The following DST variants were observed in gnomAD, a reference collection of about 807,000 sequenced individuals.
The protein encoded by DST is bullous pemphigoid antigen.
In DST, 253 loss-of-function variants were observed where a neutral mutation model predicts 875.2. The ratio of observed to expected loss-of-function variants is 0.29; its 90% confidence interval spans 0.26 to 0.32. DST has a LOEUF of 0.32. DST is among the 10% of genes least tolerant of loss of function. The pLI is 1.00. For missense variants in DST, 8,287 were observed against 9,111.6 expected, an observed-to-expected ratio of 0.91 and a Z score of 3.68; for synonymous variants, 3,124 against 3,197.1, an observed-to-expected ratio of 0.98 and a Z score of 0.77.
intron 5 of DST, among the ~76,000 whole-genome samples, chr6:56,721,895 C>A (rs1196002731): frequency 1.3e-5 from 2 of 152,152 alleles, no homozygotes; most frequent in Non-Finnish European, 2.9e-5. Flanking sequence ...CAGAGGTCAG[C>A]AAACTTTTTC....
Position 56,552,517 on chromosome 6 carries a change from T to C in DST, c.16275A>G (p.Ile5425Met). 6.2e-7 allele frequency: 1 copy of C among 1,613,976 alleles called. No homozygotes were observed. Among genetic ancestry groups the C allele is most frequent in the East Asian group, 2.2e-5 (1 of 44,882 alleles). The change falls in exon 61 of 104, where the codon ATA becomes ATG. Residue 5425 changes from isoleucine to methionine, a missense_variant. Transcript: ENST00000680361. ...AETLQKQKET[I>M]KAFLKKLEAL... is the part of the protein sequence containing the mutation. ...CTTCTAGTTTCTTTAGAAAGGCTTTTATAGTTTCCTTTTGCTTTTGCAATG... is the reference window on the plus strand; with the variant it reads ...CTTCTAGTTTCTTTAGAAAGGCTTTCATAGTTTCCTTTTGCTTTTGCAATG...
At chr6:56,899,897 T>C (rs2127687595) in intron 3 of DST, among the ~76,000 whole-genome samples, 1 of 152,228 alleles carries the variant, frequency 6.6e-6, no homozygotes, top group Middle Eastern at 3.4e-3. Context: ...CTTATAACAA[T>C]ATAAAGGCCA....
At chr6:56,820,990 A>G (rs1327733957) in intron 4 of DST, among the ~76,000 whole-genome samples, 1 of 152,190 alleles carries the variant, frequency 6.6e-6, no homozygotes, top group Non-Finnish European at 1.5e-5. Flanking sequence ...GCCAAGGCCC[A>G]ACAGATTCAG....
chr6:56,695,312 T>C (rs901658463), intron 9 of DST, among the ~76,000 whole-genome samples: 3 of 152,048 alleles, frequency 2.0e-5, no homozygotes, highest in Admixed American at 6.6e-5. Context: ...TTATACAGCC[T>C]GCAGAACCAT....
intron 4 of DST, among the ~76,000 whole-genome samples, chr6:56,836,636 G>A (rs1260387194): frequency 6.6e-6 from 1 of 151,838 alleles, no homozygotes; most frequent in Non-Finnish European, 1.5e-5. Flanking sequence ...GGATCACGAG[G>A]TCAGGAGATC....
At chr6:56,787,025 C>G (rs1298923599) in intron 4 of DST, among the ~76,000 whole-genome samples, 3 of 152,208 alleles carry the variant, frequency 2.0e-5, no homozygotes, top group African/African-American at 7.2e-5. Context: ...GTGCCAGGCA[C>G]CGTTTCAACA....
At chr6:56,503,594 TACACACACACACACACACACAC>T (rs10637850) in intron 78 of DST, among the ~76,000 whole-genome samples, 1 of 140,806 alleles carries the variant, frequency 7.1e-6, no homozygotes, top group African/African-American at 2.7e-5. Flanking sequence ...TACCTATACA[TACACACACACACACACACACAC>T]ACACACACAC....
intron 61 of DST, chr6:56,541,631 G>A (rs1442868802): frequency 6.6e-6 from 1 of 152,070 alleles, no homozygotes; most frequent in Non-Finnish European, 1.5e-5. Flanking sequence ...ATAAGATAAA[G>A]CATCTTCCAA....
At position 56,799,486 on chromosome 6, in the gene DST, C is replaced by T. The variant is rs1021574405; in HGVS notation, c.625+51911G>A. On this transcript the variant is annotated intron_variant, in intron 4 of 103. Transcript: ENST00000680361. ...CTACTCAAATCTTCAGGAACCACCA[C>T]CCTGATCAGTCAACAGCCATCAACA... Among the ~76,000 whole-genome samples the T allele has an allele frequency of 2.6e-5, 4 of 152,004 alleles. No homozygotes were observed. The East Asian group carries it at 7.7e-4, about 29-fold the overall frequency.
At chr6:56,940,627 C>T (rs538409964) in intron 2 of DST, among the ~76,000 whole-genome samples, 85 of 151,752 alleles carry the variant, frequency 5.6e-4, no homozygotes, top group African/African-American at 1.7e-3. Context: ...TCACCCAGGG[C>T]GGAGTGCAGT....
chr6:56,589,430 C>G (rs926998073), intron 49 of DST, among the ~76,000 whole-genome samples: 1 of 151,938 alleles, frequency 6.6e-6, no homozygotes, highest in Non-Finnish European at 1.5e-5. Context: ...AAATGGGTAC[C>G]TTATATTGTT....
intron 36 of DST, chr6:56,615,706 G>C: frequency 1.2e-6 from 2 of 1,614,098 alleles, no homozygotes; most frequent in Non-Finnish European, 1.7e-6. Context: ...TGGCAATGAG[G>C]ACATCTATAA....
At chr6:56,949,195 A>T (rs1223135509) in intron 2 of DST, among the ~76,000 whole-genome samples, 1 of 152,170 alleles carries the variant, frequency 6.6e-6, no homozygotes, top group Non-Finnish European at 1.5e-5. Flanking sequence ...TTCAATTCTA[A>T]TCTAGATGAA....
At chr6:56,801,682 T>G (rs929803316) in intron 4 of DST, among the ~76,000 whole-genome samples, 1 of 151,814 alleles carries the variant, frequency 6.6e-6, no homozygotes, top group African/African-American at 2.4e-5. Flanking sequence ...ACAATGTAAG[T>G]CTAAAGAAGT....
At chr6:56,859,157 A>C (rs1769639685) in intron 3 of DST, among the ~76,000 whole-genome samples, 1 of 152,134 alleles carries the variant, frequency 6.6e-6, no homozygotes, top group African/African-American at 2.4e-5. Flanking sequence ...AACCATTCAA[A>C]ATGTACAACT....
At chr6:56,944,206 T>C (rs1818241046) in intron 2 of DST, among the ~76,000 whole-genome samples, 1 of 152,224 alleles carries the variant, frequency 6.6e-6, no homozygotes, top group South Asian at 2.1e-4. Context: ...TTGGGGAAGT[T>C]AGCAAATTCA....
At chr6:56,759,452 C>CAATA (rs1301558907) in intron 4 of DST, among the ~76,000 whole-genome samples, 17 of 151,884 alleles carry the variant, frequency 1.1e-4, no homozygotes, top group Admixed American at 1.1e-3. Context: ...GACTCCATCC[C>CAATA]AATAAATAAA....
At chr6:56,651,710 GGA>G (rs1030102807) in intron 10 of DST, among the ~76,000 whole-genome samples, 1 of 152,086 alleles carries the variant, frequency 6.6e-6, no homozygotes. Context: ...ATTCTTCCAA[GGA>G]GAGATCAAGC....
At chr6:56,658,897 C>A (rs2099024227) in intron 10 of DST, among the ~76,000 whole-genome samples, 1 of 152,126 alleles carries the variant, frequency 6.6e-6, no homozygotes, top group Non-Finnish European at 1.5e-5. Context: ...GGGCACAGGA[C>A]TACAAGGAGA....
Sources: gnomAD v4.1 joint callset for allele counts (sites outside exome capture counted in the v4.1 genomes callset) on GRCh38, gnomAD v4.1.1 for gene constraint, MANE v1.5 for transcripts, NCBI Gene and HGNC (gene_info 2026-07-23, HGNC 2026-07-21) for gene names.